Variants in ZYG11B observed in about 807,000 individuals in gnomAD.
ZYG11B encodes the protein protein zyg-11 homolog B.
ZYG11B carries 36 observed loss-of-function variants against 82.4 expected under a neutral mutation model. That is an observed-to-expected ratio of 0.44 (90% CI 0.33 to 0.58). The LOEUF (loss-of-function observed/expected upper bound fraction) is 0.58, where lower values mean the gene tolerates loss of function less well. Ranked by LOEUF, ZYG11B falls within the 20% of genes least tolerant of loss-of-function variation. ZYG11B has a pLI of 0.02. For missense variants in ZYG11B, 552 were observed against 895.6 expected, an observed-to-expected ratio of 0.62 and a Z score of 4.90; for synonymous variants, 303 against 312.8, an observed-to-expected ratio of 0.97 and a Z score of 0.33.
At chr1:52,754,831 G>C (rs1296167383) in intron 1 of ZYG11B, among the ~76,000 whole-genome samples, 1 of 151,998 alleles carries the variant, frequency 6.6e-6, no homozygotes, top group Non-Finnish European at 1.5e-5. Flanking sequence ...AACAATCTTA[G>C]CTCTACTATT....
At chr1:52,739,947 A>T (rs983612169) in intron 1 of ZYG11B, among the ~76,000 whole-genome samples, 10 of 152,068 alleles carry the variant, frequency 6.6e-5, no homozygotes, top group Non-Finnish European at 1.5e-5. Context: ...TTTATTCCTC[A>T]TTACTATTTT....
chr1:52,744,645 A>G (rs1644461728), intron 1 of ZYG11B, among the ~76,000 whole-genome samples: 1 of 152,202 alleles, frequency 6.6e-6, no homozygotes, highest in Non-Finnish European at 1.5e-5. Context: ...GATCGAGACC[A>G]TCCTGACTAA....
intron 6 of ZYG11B, among the ~76,000 whole-genome samples, chr1:52,791,588 C>G (rs1247825609): frequency 6.6e-6 from 1 of 151,940 alleles, no homozygotes; most frequent in African/African-American, 2.4e-5. Flanking sequence ...AGGCTGGTCT[C>G]GAACTCCTGA....
At chr1:52,785,415 G>A (rs190558261) in intron 5 of ZYG11B, among the ~76,000 whole-genome samples, 1 of 152,140 alleles carries the variant, frequency 6.6e-6, no homozygotes, top group East Asian at 1.9e-4. Context: ...TATGGTAGAA[G>A]ATGTAACCTG....
chr1:52,736,004 A>T (rs1482094773), intron 1 of ZYG11B, among the ~76,000 whole-genome samples: 1 of 152,200 alleles, frequency 6.6e-6, no homozygotes, highest in Non-Finnish European at 1.5e-5. Flanking sequence ...TCTATTATGC[A>T]TTAAAAATAT....
At chr1:52,820,107 G>A (rs181708465) in intron 13 of ZYG11B, among the ~76,000 whole-genome samples, 247 of 150,404 alleles carry the variant, frequency 1.6e-3, no homozygotes, top group South Asian at 4.2e-3. Context: ...GTAGAGACGG[G>A]GTTTCACCAC....
chr1:52,807,215 T>A (rs1645148468), intron 10 of ZYG11B, among the ~76,000 whole-genome samples: 1 of 151,666 alleles, frequency 6.6e-6, no homozygotes, highest in African/African-American at 2.4e-5. Flanking sequence ...TTGTCCAGGC[T>A]GATCACGAAC....
chr1:52,780,312 A>G (rs1479087247), intron 4 of ZYG11B, among the ~76,000 whole-genome samples: 2 of 152,276 alleles, frequency 1.3e-5, no homozygotes, highest in East Asian at 1.9e-4. Context: ...AGGACACTGT[A>G]TTGTATATTA....
intron 2 of ZYG11B, among the ~76,000 whole-genome samples, chr1:52,759,125 T>G (rs111652160): frequency 2.9e-4 from 44 of 152,012 alleles, no homozygotes; most frequent in African/African-American, 9.9e-4. Context: ...AGAGACGGGG[T>G]TTCACCATGT....
chr1:52,818,665 A>C (rs183082535), intron 13 of ZYG11B, among the ~76,000 whole-genome samples: 1 of 152,208 alleles, frequency 6.6e-6, no homozygotes, highest in East Asian at 1.9e-4. Flanking sequence ...GTTAACTATG[A>C]ATTAAATTTC....
At chr1:52,810,530 A>T (rs1478998354) in intron 10 of ZYG11B, among the ~76,000 whole-genome samples, 1 of 152,188 alleles carries the variant, frequency 6.6e-6, no homozygotes, top group Non-Finnish European at 1.5e-5. Context: ...TCCCTGTGCT[A>T]CAGCCTGGAA....
intron 1 of ZYG11B, among the ~76,000 whole-genome samples, chr1:52,742,683 A>G (rs191861988): frequency 6.6e-6 from 1 of 152,018 alleles, no homozygotes; most frequent in Non-Finnish European, 1.5e-5. Context: ...TCTACTAAAA[A>G]TACAAAAAAT....
In ZYG11B at chr1:52,776,229, A is replaced by AAAAAAAATATATATATATATATATAT; in HGVS notation, c.952-3623_952-3622insAAAAAATATATATATATATATATATA. Among the ~76,000 whole-genome samples the AAAAAAAATATATATATATATATATAT allele has an allele frequency of 3.1e-3, 73 of 23,488 alleles. 1 individual carries two copies. The highest frequency in any genetic ancestry group is 6.6e-3 in the African/African-American group (69 of 10,500). 15.4% of individuals were successfully genotyped at this position (23,488 alleles called of 152,430 possible). On this transcript the variant is annotated intron_variant, in intron 3 of 13. Transcript: ENST00000294353. ...AGCAAAACTCTGTCTTAAAAAAAAA[A>AAAAAAAATATATATATATATATATAT]ATATATATATATATATGCAATAAAG... is the stretch of plus-strand genomic sequence containing the variant.
At chr1:52,795,350 G>T (rs893142356) in intron 6 of ZYG11B, among the ~76,000 whole-genome samples, 3 of 152,130 alleles carry the variant, frequency 2.0e-5, no homozygotes, top group Non-Finnish European at 4.4e-5. Flanking sequence ...CTTCCTTACA[G>T]CCTGTGGAAC....
intron 10 of ZYG11B, among the ~76,000 whole-genome samples, chr1:52,802,539 T>C (rs111603145): frequency 6.6e-6 from 1 of 151,480 alleles, no homozygotes; most frequent in African/African-American, 2.4e-5. Context: ...TTTGTAGAGA[T>C]GGGGTTTTGC....
chr1:52,821,669 T>C lies in ZYG11B; in HGVS notation c.*40T>C. On this transcript the variant is annotated 3_prime_UTR_variant, in exon 14 of 14. Coordinates refer to ENST00000294353, the MANE Select transcript of ZYG11B (RefSeq NM_024646.3). The stretch of plus-strand genomic sequence containing the variant: ...GGATAGTTGAATCACAGGAATCCTT[T>C]TTGTGATTGGTCCATTTGGAATATC... 1 of 1,547,844 alleles carries C rather than the reference T, an allele frequency of 6.5e-7. No homozygotes were observed.
intron 3 of ZYG11B, among the ~76,000 whole-genome samples, chr1:52,778,413 A>G (rs895376665): frequency 2.0e-5 from 3 of 152,036 alleles, no homozygotes; most frequent in Non-Finnish European, 4.4e-5. Context: ...GATATAAGCC[A>G]CTCTGCCAGC....
intron 13 of ZYG11B, 146 bp downstream of exon 13, chr1:52,816,775 GTATTC>G: frequency 6.2e-6 from 3 of 484,012 alleles, no homozygotes; most frequent in East Asian, 4.2e-5. Context: ...TAAACTTAAG[GTATTC>G]TTTTTTTTTT....
intron 4 of ZYG11B, among the ~76,000 whole-genome samples, chr1:52,780,866 G>A (rs1266388427): frequency 1.3e-5 from 2 of 152,140 alleles, no homozygotes; most frequent in African/African-American, 4.8e-5. Context: ...GGTCCTTTGG[G>A]CCAGGACGCA....
Sources: gnomAD v4.1 joint callset for allele counts (sites outside exome capture counted in the v4.1 genomes callset) on GRCh38, gnomAD v4.1.1 for gene constraint, MANE v1.5 for transcripts, NCBI Gene and HGNC (gene_info 2026-07-23, HGNC 2026-07-21) for gene names.